AXDND1: variants seen among roughly 807,000 people sequenced by gnomAD.
The protein encoded by AXDND1 is axonemal dynein light chain domain-containing protein 1.
AXDND1 carries 110 observed loss-of-function variants against 137.5 expected under a neutral mutation model. That is an observed-to-expected ratio of 0.80 (90% confidence interval 0.69 to 0.94). The LOEUF (loss-of-function observed/expected upper bound fraction) is 0.94. AXDND1 is among the 40% of genes least tolerant of loss of function. The pLI, the probability that AXDND1 is intolerant of heterozygous loss-of-function variation, is 0.00. For synonymous variants in AXDND1, 414 were observed against 399.7 expected (o/e 1.04, Z -0.43); for missense variants, 1,191 against 1,169.8 (o/e 1.02, Z -0.26).
chr1:179,549,285 C>T (rs530828686), intron 25 of AXDND1, among the ~76,000 whole-genome samples: 1 of 152,326 alleles, frequency 6.6e-6, no homozygotes, highest in African/African-American at 2.4e-5. Context: ...CCACTATACT[C>T]TTTCACCTAA....
At chr1:179,426,352 C>A (rs1373202151) in intron 12 of AXDND1, among the ~76,000 whole-genome samples, 2 of 151,966 alleles carry the variant, frequency 1.3e-5, no homozygotes, top group Admixed American at 6.6e-5. Context: ...TTCAAATAGC[C>A]AATAAATATA....
chr1:179,426,707 T>G (rs577767482), intron 12 of AXDND1, among the ~76,000 whole-genome samples: 4 of 152,294 alleles, frequency 2.6e-5, no homozygotes, highest in African/African-American at 9.6e-5. Flanking sequence ...AGAAGGGAAA[T>G]TATAGTTATT....
chr1:179,383,694 C>A, intron 8 of AXDND1, 150 bp downstream of exon 8: 2 of 597,414 alleles, frequency 3.3e-6, no homozygotes, highest in East Asian at 5.5e-5. Context: ...CTCATCTGAA[C>A]TTTGGAGATA....
At chr1:179,406,041 A>G (rs1220522694) in intron 11 of AXDND1, among the ~76,000 whole-genome samples, 4 of 152,024 alleles carry the variant, frequency 2.6e-5, no homozygotes, top group Non-Finnish European at 5.9e-5. Flanking sequence ...CTACTTTTGC[A>G]TTATCCCATA....
chr1:179,551,122 G>A (rs1389623795), intron 25 of AXDND1: 4 of 1,610,350 alleles, frequency 2.5e-6, no homozygotes, highest in South Asian at 1.1e-5. Flanking sequence ...CCTCAGGCAT[G>A]TGACTTTTCT....
chr1:179,505,283 TGA>T (rs893853114), intron 20 of AXDND1, among the ~76,000 whole-genome samples: 2 of 140,788 alleles, frequency 1.4e-5, no homozygotes, highest in African/African-American at 2.6e-5. Flanking sequence ...ATGACATTAG[TGA>T]GAGTTTCCCA....
At chr1:179,406,166 C>T (rs1040380472) in intron 11 of AXDND1, among the ~76,000 whole-genome samples, 1 of 139,344 alleles carries the variant, frequency 7.2e-6, no homozygotes, top group African/African-American at 2.6e-5. Flanking sequence ...GTACAGTTTC[C>T]AAAGTTTCTC....
At chr1:179,374,929 T>C (rs1668435489) in intron 4 of AXDND1, among the ~76,000 whole-genome samples, 1 of 151,898 alleles carries the variant, frequency 6.6e-6, no homozygotes, top group Non-Finnish European at 1.5e-5. Context: ...TATATGTATG[T>C]AACAAACCTG....
chr1:179,376,178 T>G (rs2125065554), intron 4 of AXDND1, among the ~76,000 whole-genome samples: 1 of 152,350 alleles, frequency 6.6e-6, no homozygotes, highest in South Asian at 2.1e-4. Flanking sequence ...TCTCTGTGTT[T>G]AGTTCTCTAA....
At chr1:179,486,951 C>T (rs2125557624) in intron 18 of AXDND1, among the ~76,000 whole-genome samples, 1 of 148,706 alleles carries the variant, frequency 6.7e-6, no homozygotes, top group Non-Finnish European at 1.5e-5. Context: ...ATGACAGGAT[C>T]AAATCCACAC....
Position 179,478,041 on chromosome 1 carries a change from T to C in AXDND1, c.1998-5087T>C, listed in dbSNP as rs548771977. On this transcript the variant is annotated intron_variant, in intron 17 of 25. Coordinates refer to ENST00000367618, the MANE Select transcript of AXDND1 (RefSeq NM_144696.6). Reference sequence around the variant, plus strand: ...ATGTCTCACATCTGGGTCATGCTCATTCAAGAGGTGGGTTCTCATGGTCTT... The same window carrying C: ...ATGTCTCACATCTGGGTCATGCTCACTCAAGAGGTGGGTTCTCATGGTCTT... 7.3e-4 allele frequency among the ~76,000 whole-genome samples: 111 copies of C among 152,336 alleles called. 1 individual carries two copies. Among genetic ancestry groups the C allele is most frequent in the South Asian group, 3.5e-3 (17 of 4,824 alleles).
chr1:179,496,190 G>A (rs1667430225), intron 20 of AXDND1, among the ~76,000 whole-genome samples: 1 of 151,838 alleles, frequency 6.6e-6, no homozygotes, highest in African/African-American at 2.4e-5. Context: ...TAATATCTTT[G>A]TTTGGTTTTG....
At chr1:179,385,201 G>T in intron 8 of AXDND1, 37 bp from the exon 9 acceptor site, 1 of 1,578,958 alleles carries the variant, frequency 6.3e-7, no homozygotes, top group Admixed American at 1.7e-5. Flanking sequence ...TACTAAGACT[G>T]TAATAAGTAC....
chr1:179,455,251 G>C (rs1266789311), intron 16 of AXDND1: 3 of 146,526 alleles, frequency 2.0e-5, no homozygotes, highest in Admixed American at 1.4e-4. Flanking sequence ...CCCCAGCCTA[G>C]GGGAGAGAGT....
intron 11 of AXDND1, among the ~76,000 whole-genome samples, chr1:179,398,615 CTGTG>C (rs888766315): frequency 6.6e-6 from 1 of 151,682 alleles, no homozygotes; most frequent in African/African-American, 2.4e-5. Context: ...CTGCTGGCAA[CTGTG>C]TGCACAGTTG....
intron 17 of AXDND1, among the ~76,000 whole-genome samples, chr1:179,475,300 C>G (rs1021258674): frequency 4.6e-5 from 7 of 152,220 alleles, no homozygotes; most frequent in Non-Finnish European, 1.0e-4. Context: ...GTAGATGCAT[C>G]AACACCTTGC....
chr1:179,369,385 A>T (rs72717535), intron 3 of AXDND1, among the ~76,000 whole-genome samples: 11,486 of 152,166 alleles, frequency 0.075, 542 homozygotes, highest in African/African-American at 0.11. Flanking sequence ...GCCTTAAAAA[A>T]TTTTTTTAGG....
chr1:179,519,540 A>G (rs1669863671), intron 21 of AXDND1, among the ~76,000 whole-genome samples: 1 of 152,136 alleles, frequency 6.6e-6, no homozygotes, highest in African/African-American at 2.4e-5. Flanking sequence ...TAAGCCTTTA[A>G]TCCCATCTTC....
intron 9 of AXDND1, among the ~76,000 whole-genome samples, chr1:179,387,923 T>G (rs934311055): frequency 6.6e-6 from 1 of 152,206 alleles, no homozygotes; most frequent in Non-Finnish European, 1.5e-5. Context: ...AGCTGAACAC[T>G]TGAGGGAGAT....
Sources: gnomAD v4.1 joint callset for allele counts (sites outside exome capture counted in the v4.1 genomes callset) on GRCh38, gnomAD v4.1.1 for gene constraint, MANE v1.5 for transcripts, NCBI Gene and HGNC (gene_info 2026-07-23, HGNC 2026-07-21) for gene names.